Variants in ESR1 observed in about 807,000 individuals in gnomAD.
The protein encoded by ESR1 is estrogen receptor.
A neutral mutation model predicts 52.7 loss-of-function variants in ESR1; 12 were observed. That is an observed-to-expected ratio of 0.23 (90% CI 0.15 to 0.37). The LOEUF (loss-of-function observed/expected upper bound fraction) is 0.37, where lower values mean the gene tolerates loss of function less well. ESR1 is among the 10% of genes least tolerant of loss of function. The pLI is 1.00. For missense variants in ESR1, 584 were observed against 779.7 expected (o/e 0.75, Z 2.99); for synonymous variants, 305 against 316.8 (o/e 0.96, Z 0.39).
chr6:151,928,601 A>G (rs1050986537), intron 3 of ESR1, among the ~76,000 whole-genome samples: 9 of 151,860 alleles, frequency 5.9e-5, no homozygotes, highest in Admixed American at 2.0e-4. Flanking sequence ...TGCTTGCTTT[A>G]AGCTTATCTA....
At chr6:151,756,018 A>G (rs1562380697) in intron 2 of ESR1, among the ~76,000 whole-genome samples, 1 of 152,090 alleles carries the variant, frequency 6.6e-6, no homozygotes, top group Non-Finnish European at 1.5e-5. Context: ...TTCTGATGTC[A>G]TGTTCTTTGC....
intron 2 of ESR1, among the ~76,000 whole-genome samples, chr6:151,705,934 G>T (rs1279142121): frequency 1.3e-5 from 2 of 152,184 alleles, no homozygotes; most frequent in African/African-American, 4.8e-5. Flanking sequence ...ACCTAACAAG[G>T]TCACACAGTG....
At chr6:151,946,847 T>C (rs1025238264) in intron 4 of ESR1, among the ~76,000 whole-genome samples, 2 of 152,274 alleles carry the variant, frequency 1.3e-5, no homozygotes, top group Admixed American at 1.3e-4. Flanking sequence ...CTACAGATGG[T>C]TGTCAAACTT....
At chr6:151,944,029 C>A in intron 3 of ESR1, 144 bp from the exon 4 acceptor site, 1 of 666,812 alleles carries the variant, frequency 1.5e-6, no homozygotes, top group Non-Finnish European at 2.6e-6. Flanking sequence ...CTTGGAGAGC[C>A]ACTTGTTGAA....
At chr6:152,065,197 T>A (rs1346906533) in intron 6 of ESR1, among the ~76,000 whole-genome samples, 2 of 152,262 alleles carry the variant, frequency 1.3e-5, no homozygotes, top group African/African-American at 4.8e-5. Flanking sequence ...ATCCTGAGAC[T>A]ATTAATTATG....
Position 151,874,651 on chromosome 6 carries a change from A to T in ESR1, c.644-6004A>T, listed in dbSNP as rs116274766. On this transcript the variant is annotated intron_variant, in intron 2 of 7. Coordinates refer to ENST00000206249, the MANE Select transcript of ESR1 (RefSeq NM_000125.4). The stretch of plus-strand genomic sequence containing the variant: ...CGAGTACTCTGAACTTCAGCTTCTC[A>T]TAAAATCAGTCAGTTACATGACAGT... Among the ~76,000 whole-genome samples, 1,002 of 152,342 alleles carry T rather than the reference A, an allele frequency of 6.6e-3. 8 individuals are homozygous for T. The highest frequency in any genetic ancestry group is 0.021 in the African/African-American group (862 of 41,580).
intron 5 of ESR1, among the ~76,000 whole-genome samples, chr6:152,032,463 G>A (rs1480180510): frequency 1.3e-5 from 2 of 152,138 alleles, no homozygotes; most frequent in Non-Finnish European, 1.5e-5. Context: ...CAAAATCAAT[G>A]TGCAAAAATC....
intron 2 of ESR1, among the ~76,000 whole-genome samples, chr6:151,759,870 T>C (rs1448423386): frequency 3.3e-5 from 5 of 152,160 alleles, no homozygotes; most frequent in African/African-American, 9.7e-5. Context: ...AGGTATTAGG[T>C]TGGTGCAAAA....
chr6:151,670,435 C>T (rs1254037335), intron 1 of ESR1, among the ~76,000 whole-genome samples: 2 of 152,234 alleles, frequency 1.3e-5, no homozygotes, highest in African/African-American at 4.8e-5. Context: ...AGCTTCATTA[C>T]AGCAGAGACC....
intron 4 of ESR1, among the ~76,000 whole-genome samples, chr6:151,997,130 C>G (rs953745175): frequency 6.6e-6 from 1 of 151,572 alleles, no homozygotes; most frequent in Admixed American, 6.6e-5. Flanking sequence ...TGAAGAGCAT[C>G]TTACCGTTCA....
chr6:151,697,690 C>A (rs1215972218), intron 1 of ESR1, among the ~76,000 whole-genome samples: 4 of 152,136 alleles, frequency 2.6e-5, no homozygotes, highest in Non-Finnish European at 4.4e-5. Context: ...ATTTTTAACA[C>A]CTCATTTCCC....
At position 151,946,375 on chromosome 6, in the gene ESR1, G is replaced by A. The variant is rs181832561; in HGVS notation, c.1096+1867G>A. Among the ~76,000 whole-genome samples the A allele has an allele frequency of 2.6e-4, 39 of 152,260 alleles. No homozygotes were observed. In the East Asian group the frequency reaches 6.4e-3, roughly 25 times the overall value. The stretch of plus-strand genomic sequence containing the variant: ...GACATTTTTATAATAATGTTGAAGA[G>A]CATTTTAAACAACTGGAATTAAGCT... On this transcript the variant is annotated intron_variant, in intron 4 of 7. Transcript: ENST00000206249.
At chr6:152,050,945 G>A (rs931170800) in intron 5 of ESR1, among the ~76,000 whole-genome samples, 2 of 152,148 alleles carry the variant, frequency 1.3e-5, no homozygotes, top group African/African-American at 2.4e-5. Context: ...TGGTCTCAGC[G>A]TTCTTAAGCT....
chr6:152,074,240 C>T (rs907466372), intron 6 of ESR1, among the ~76,000 whole-genome samples: 1 of 152,178 alleles, frequency 6.6e-6, no homozygotes, highest in Non-Finnish European at 1.5e-5. Flanking sequence ...TGTGCTCCTC[C>T]TATTCATTCC....
intron 2 of ESR1, among the ~76,000 whole-genome samples, chr6:151,737,717 C>G (rs1782784525): frequency 6.6e-6 from 1 of 152,062 alleles, no homozygotes; most frequent in African/African-American, 2.4e-5. Flanking sequence ...TATGCATATA[C>G]AAGCAAAGAA....
In ESR1 at chr6:152,053,606, G is replaced by A. The variant is rs2046864429; in HGVS notation, c.1236-7385G>A. ...TTTCTCTCTCTCAATCTGTTTCTCT[G>A]TTAATCTCTCTTTCTCTCTCCTTCT... On this transcript the variant is annotated intron_variant, in intron 5 of 7. Transcript: ENST00000206249. This position sits in a 1 kb window ranked among gnomAD's most constrained non-coding sequence, Gnocchi z 4.1. Among the ~76,000 whole-genome samples, 2 of 148,734 alleles carry A rather than the reference G, an allele frequency of 1.3e-5. No individual in the cohort carries two copies. Among genetic ancestry groups the A allele is most frequent in the Non-Finnish European group, 3.0e-5 (2 of 67,328 alleles).
At chr6:151,880,879 A>G (rs775037118) in intron 3 of ESR1, 108 bp downstream of exon 3, 1 of 681,724 alleles carries the variant, frequency 1.5e-6, no homozygotes, top group Non-Finnish European at 2.7e-6. Context: ...TTTTCTTTTA[A>G]TTGTTTTTTT....
At chr6:152,086,946 A>T (rs2049774283) in intron 6 of ESR1, among the ~76,000 whole-genome samples, 1 of 152,156 alleles carries the variant, frequency 6.6e-6, no homozygotes, top group Admixed American at 6.5e-5. Context: ...TTTCCTATCT[A>T]TGAACAAATA....
chr6:152,055,940 C>G (rs921809442), intron 5 of ESR1, among the ~76,000 whole-genome samples: 5 of 152,096 alleles, frequency 3.3e-5, no homozygotes, highest in African/African-American at 1.2e-4. Context: ...CCATCAAATC[C>G]CAATGTTAAT....
Sources: allele counts gnomAD v4.1 joint callset (sites outside exome capture counted in the v4.1 genomes callset), GRCh38; gene constraint gnomAD v4.1.1; non-coding constraint Gnocchi (gnomAD v3.1); transcripts MANE v1.5; gene names NCBI Gene and HGNC (gene_info 2026-07-23, HGNC 2026-07-21).